The following MACROD2 variants were observed in gnomAD, a reference collection of about 807,000 sequenced individuals.
MACROD2 encodes ADP-ribose glycohydrolase MACROD2.
A neutral mutation model predicts 70.4 loss-of-function variants in MACROD2; 36 were observed. The observed-to-expected ratio is 0.51, with a 90% CI of 0.39 to 0.68. MACROD2 has a LOEUF of 0.68. Among genes scored for constraint, MACROD2 ranks in the 30% least tolerant of loss-of-function variants. The pLI is 0.00. For synonymous variants in MACROD2, 172 were observed against 178.8 expected (o/e 0.96, Z 0.30); for missense variants, 496 against 538.4 (o/e 0.92, Z 0.78).
At chr20:15,083,594 TA>T (rs1397839812) in intron 5 of MACROD2, among the ~76,000 whole-genome samples, 5 of 143,098 alleles carry the variant, frequency 3.5e-5, no homozygotes, top group Admixed American at 6.9e-5. Flanking sequence ...ACATCAACAA[TA>T]ATTTTTTTTT....
At chr20:14,111,693 CA>C (rs1278951118) in intron 3 of MACROD2, among the ~76,000 whole-genome samples, 1 of 151,744 alleles carries the variant, frequency 6.6e-6, no homozygotes, top group Non-Finnish European at 1.5e-5. Flanking sequence ...GGCTTATATC[CA>C]AAAGACAGGC....
At chr20:15,215,457 G>C (rs1175003054) in intron 5 of MACROD2, among the ~76,000 whole-genome samples, 1 of 151,896 alleles carries the variant, frequency 6.6e-6, no homozygotes, top group Non-Finnish European at 1.5e-5. Flanking sequence ...TGCATAATTT[G>C]GTGAGCAATT....
chr20:15,075,107 G>A (rs1014716675), intron 5 of MACROD2, among the ~76,000 whole-genome samples: 1 of 152,124 alleles, frequency 6.6e-6, no homozygotes, highest in Non-Finnish European at 1.5e-5. Context: ...AGATGGGTAG[G>A]TAATGCTAAA....
At chr20:15,492,967 G>A (rs955009142) in intron 7 of MACROD2, among the ~76,000 whole-genome samples, 5 of 152,048 alleles carry the variant, frequency 3.3e-5, no homozygotes, top group African/African-American at 1.2e-4. Flanking sequence ...ATAATATGCA[G>A]TCTACACAGG....
intron 8 of MACROD2, among the ~76,000 whole-genome samples, chr20:15,675,775 T>A (rs577035663): frequency 6.6e-6 from 1 of 152,334 alleles, no homozygotes; most frequent in South Asian, 2.1e-4. Context: ...TTTAAAATTG[T>A]GTGGATGATC....
At chr20:14,421,614 T>C (rs1221228212) in intron 3 of MACROD2, among the ~76,000 whole-genome samples, 1 of 152,162 alleles carries the variant, frequency 6.6e-6, no homozygotes, top group East Asian at 1.9e-4. Context: ...TTTATTTTCA[T>C]TTGTCTTAAA....
chr20:15,094,738 C>T (rs766493687), intron 5 of MACROD2, among the ~76,000 whole-genome samples: 2 of 152,048 alleles, frequency 1.3e-5, no homozygotes, highest in Non-Finnish European at 2.9e-5. Context: ...AAATCTTTTT[C>T]TTTGTTTCTT....
At chr20:15,078,501 T>C (rs1568562082) in intron 5 of MACROD2, among the ~76,000 whole-genome samples, 1 of 152,162 alleles carries the variant, frequency 6.6e-6, no homozygotes, top group Non-Finnish European at 1.5e-5. Context: ...TAGGCTTCAA[T>C]TTTATTTTTT....
At chr20:14,882,241 A>G (rs1266123654) in intron 5 of MACROD2, among the ~76,000 whole-genome samples, 14 of 152,190 alleles carry the variant, frequency 9.2e-5, no homozygotes, top group Admixed American at 8.5e-4. Context: ...TCAATATTTG[A>G]TGAGTAAAGA....
At chr20:14,719,473 GAA>G (rs11087105) in intron 5 of MACROD2, among the ~76,000 whole-genome samples, 20,087 of 136,260 alleles carry the variant, frequency 0.15, 2,121 homozygotes, top group African/African-American at 0.31. Flanking sequence ...AAGATAGAAA[GAA>G]AAAAAAAAAA....
At chr20:15,863,995 T>C (rs1224433791) in intron 9 of MACROD2, among the ~76,000 whole-genome samples, 1 of 152,222 alleles carries the variant, frequency 6.6e-6, no homozygotes, top group East Asian at 1.9e-4. Context: ...AACTGAAACA[T>C]AATGTAAATT....
At chr20:14,573,843 C>T (rs914166204) in intron 4 of MACROD2, among the ~76,000 whole-genome samples, 7 of 152,126 alleles carry the variant, frequency 4.6e-5, no homozygotes, top group African/African-American at 1.4e-4. Flanking sequence ...TGCCTTAGTT[C>T]ACTGGTAGGA....
Position 15,626,274 on chromosome 20 carries a change from A to G in MACROD2, c.645+126427A>G, listed in dbSNP as rs2049201457. Among the ~76,000 whole-genome samples, 13 of 152,338 alleles carry G rather than the reference A, an allele frequency of 8.5e-5. No individual in the cohort carries two copies. The South Asian group carries it at 2.7e-3, about 32-fold the overall frequency. ...ATTCTGACATTAGAGCTTATTACAC[A>G]CTGGGATATGTTACTGAAAGAAGCA... On this transcript the variant is annotated intron_variant, in intron 8 of 17. Coordinates refer to ENST00000684519, the MANE Select transcript of MACROD2 (RefSeq NM_001351661.2).
At chr20:14,005,806 G>A (rs577342620) in intron 2 of MACROD2, among the ~76,000 whole-genome samples, 69 of 152,156 alleles carry the variant, frequency 4.5e-4, no homozygotes, top group Non-Finnish European at 8.5e-4. Context: ...TCACTGTGTT[G>A]GCCAGGCTGG....
chr20:14,273,821 C>T (rs530683273), intron 3 of MACROD2, among the ~76,000 whole-genome samples: 16 of 151,670 alleles, frequency 1.1e-4, no homozygotes, highest in African/African-American at 3.2e-4. Flanking sequence ...ATATCACCAC[C>T]GATCCCACAG....
At chr20:15,938,073 T>TA (rs61315679) in intron 12 of MACROD2, among the ~76,000 whole-genome samples, 12,127 of 134,308 alleles carry the variant, frequency 0.09, 691 homozygotes, top group East Asian at 0.28. Context: ...CCAGAAAAAG[T>TA]AAAAAAAAAA....
intron 2 of MACROD2, among the ~76,000 whole-genome samples, chr20:14,042,915 TG>T (rs1441872500): frequency 7.0e-6 from 1 of 143,592 alleles, no homozygotes; most frequent in East Asian, 2.1e-4. Context: ...ACCCAGGTGG[TG>T]GGTTTTTTTT....
At chr20:14,772,154 CCT>C (rs1354252941) in intron 5 of MACROD2, among the ~76,000 whole-genome samples, 4 of 152,038 alleles carry the variant, frequency 2.6e-5, no homozygotes, top group African/African-American at 4.8e-5. Flanking sequence ...CTTTCACAGG[CCT>C]AAAAATGTAC....
chr20:14,315,978 A>C (rs1411240801), intron 3 of MACROD2, among the ~76,000 whole-genome samples: 1 of 152,192 alleles, frequency 6.6e-6, no homozygotes, highest in Non-Finnish European at 1.5e-5. Flanking sequence ...TTATTGAAAA[A>C]CACAAAATAA....
Sources: allele counts gnomAD v4.1 joint callset (sites outside exome capture counted in the v4.1 genomes callset), GRCh38; gene constraint gnomAD v4.1.1; transcripts MANE v1.5; gene names NCBI Gene and HGNC (gene_info 2026-07-23, HGNC 2026-07-21).